ARHGAP12: variants seen among roughly 807,000 people sequenced by gnomAD.
ARHGAP12 encodes the protein rho GTPase-activating protein 12.
In ARHGAP12, 64 loss-of-function variants were observed where a neutral mutation model predicts 108.6. The observed-to-expected ratio is 0.59, with a 90% CI of 0.48 to 0.73. The LOEUF is 0.73. ARHGAP12 is among the 30% of genes least tolerant of loss of function. ARHGAP12 has a pLI of 0.00. For synonymous variants in ARHGAP12, 312 were observed against 337.2 expected (o/e 0.93, Z 0.82); for missense variants, 940 against 1,005.9 (o/e 0.93, Z 0.89).
intron 3 of ARHGAP12, among the ~76,000 whole-genome samples, chr10:31,884,143 C>T (rs1347284699): frequency 6.7e-6 from 1 of 148,798 alleles, no homozygotes; most frequent in African/African-American, 2.5e-5. Flanking sequence ...GTTAAAAGAC[C>T]ACTTCTTTCC....
At chr10:31,866,433 CA>C (rs1251550525) in intron 3 of ARHGAP12, among the ~76,000 whole-genome samples, 1 of 151,994 alleles carries the variant, frequency 6.6e-6, no homozygotes, top group Non-Finnish European at 1.5e-5. Flanking sequence ...GAGAAACAAA[CA>C]AGGTGAATCC....
intron 11 of ARHGAP12, among the ~76,000 whole-genome samples, chr10:31,824,627 T>A (rs1253338642): frequency 6.6e-6 from 1 of 152,172 alleles, no homozygotes; most frequent in Non-Finnish European, 1.5e-5. Context: ...CCTGTACTAA[T>A]GATTATGTAC....
At chr10:31,912,203 T>TC (rs2132467609) in intron 1 of ARHGAP12, among the ~76,000 whole-genome samples, 1 of 152,336 alleles carries the variant, frequency 6.6e-6, no homozygotes, top group African/African-American at 2.4e-5. Flanking sequence ...TGATTTTTTT[T>TC]CCAGGAAAGT....
At chr10:31,810,823 G>T in intron 15 of ARHGAP12, 76 bp from the exon 16 acceptor site, 2 of 1,110,226 alleles carry the variant, frequency 1.8e-6, no homozygotes, top group Non-Finnish European at 2.7e-6. Context: ...CATTCAGAGT[G>T]CAACAGAAAC....
chr10:31,830,049 T>C (rs1835773176), intron 10 of ARHGAP12, among the ~76,000 whole-genome samples: 1 of 152,208 alleles, frequency 6.6e-6, no homozygotes, highest in Admixed American at 6.5e-5. Flanking sequence ...TCATGGAAAT[T>C]TTTTGTCTTA....
intron 4 of ARHGAP12, 82 bp from the exon 5 acceptor site, chr10:31,854,288 C>T: frequency 8.1e-7 from 1 of 1,227,266 alleles, no homozygotes; most frequent in Non-Finnish European, 1.1e-6. Context: ...ATAAATTTTA[C>T]TTGACTATAA....
rs563417977 is a variant in ARHGAP12 at position 31,877,664 on chromosome 10, G to A, written c.685-16006C>T. Among the ~76,000 whole-genome samples, 7 of 152,352 alleles carry A rather than the reference G, an allele frequency of 4.6e-5. No individual in the cohort carries two copies. The East Asian group carries it at 7.7e-4, about 17-fold the overall frequency. Reference sequence around the variant, plus strand: ...AACAAGGTTTGATCCCATTGTGTGCGTTACAACTACTTGAGTGTTTTAGCA... The same window carrying A: ...AACAAGGTTTGATCCCATTGTGTGCATTACAACTACTTGAGTGTTTTAGCA... On this transcript the variant is annotated intron_variant, in intron 3 of 19. Coordinates refer to ENST00000344936, the MANE Select transcript of ARHGAP12 (RefSeq NM_018287.7).
At chr10:31,924,489 G>A (rs1197720117) in intron 1 of ARHGAP12, among the ~76,000 whole-genome samples, 1 of 152,142 alleles carries the variant, frequency 6.6e-6, no homozygotes, top group Non-Finnish European at 1.5e-5. Context: ...AAATCATATA[G>A]TATGTAGCCT....
intron 6 of ARHGAP12, among the ~76,000 whole-genome samples, chr10:31,843,940 T>C (rs913844719): frequency 1.7e-4 from 26 of 152,242 alleles, no homozygotes; most frequent in Admixed American, 6.5e-4. Context: ...AAAAGAGTAG[T>C]ATATTATCAA....
At chr10:31,915,112 C>T (rs538758511) in intron 1 of ARHGAP12, among the ~76,000 whole-genome samples, 20 of 145,910 alleles carry the variant, frequency 1.4e-4, no homozygotes, top group Admixed American at 5.3e-4. Context: ...TGAGGCCAGG[C>T]GCAGTGGCTC....
At position 31,816,082 on chromosome 10, in the gene ARHGAP12, C is replaced by T. The variant is rs558378083; in HGVS notation, c.1731+1706G>A. Among the ~76,000 whole-genome samples, 14 of 151,654 alleles carry T rather than the reference C, an allele frequency of 9.2e-5. No individual in the cohort carries two copies. In the South Asian group the frequency reaches 2.3e-3, roughly 25 times the overall value. On this transcript the variant is annotated intron_variant, in intron 13 of 19. Transcript: ENST00000344936. ...AGGAGAATCACTTGAACCCAGGAGACGGAGGTTGCCGTGAGCTAAGATCAT... is the reference window on the plus strand; with the variant it reads ...AGGAGAATCACTTGAACCCAGGAGATGGAGGTTGCCGTGAGCTAAGATCAT...
At chr10:31,865,927 C>A (rs1293139566) in intron 3 of ARHGAP12, among the ~76,000 whole-genome samples, 1 of 150,954 alleles carries the variant, frequency 6.6e-6, no homozygotes, top group Non-Finnish European at 1.5e-5. Context: ...TTAATATACA[C>A]GTGGGGTCAA....
intron 3 of ARHGAP12, among the ~76,000 whole-genome samples, chr10:31,866,364 A>G (rs567169457): frequency 1.8e-4 from 27 of 152,310 alleles, no homozygotes; most frequent in African/African-American, 6.5e-4. Flanking sequence ...CGAGTAAAAT[A>G]CAGAAAACAA....
In ARHGAP12 at chr10:31,852,536, G is replaced by A; in HGVS notation, c.1151C>T (p.Ser384Leu). 3 of 1,612,150 alleles carry A rather than the reference G, an allele frequency of 1.9e-6. No individual in the cohort carries two copies. Among genetic ancestry groups the A allele is most frequent in the Non-Finnish European group, 2.5e-6 (3 of 1,178,532 alleles). ...TATTACCTTTGGCAATTCCCATTCT[G>A]ACCGAGATCCGTCTGCACTGTAGTA... The part of the protein sequence containing the change: ...QYYYSADGSR[S>L]EWELPKYNAS... The change falls in exon 6 of 20, where the codon TCA becomes TTA. Residue 384 changes from serine to leucine, a missense_variant. Ser to Leu is a moderately radical substitution (Grantham distance 145, BLOSUM62 -2). Coordinates refer to ENST00000344936, the MANE Select transcript of ARHGAP12 (RefSeq NM_018287.7).
chr10:31,875,732 G>A (rs759033744), intron 3 of ARHGAP12, among the ~76,000 whole-genome samples: 6 of 151,920 alleles, frequency 3.9e-5, no homozygotes, highest in Non-Finnish European at 8.8e-5. Context: ...TGTACAGGTC[G>A]GTCACACTAA....
intron 3 of ARHGAP12, among the ~76,000 whole-genome samples, chr10:31,862,233 T>C (rs910885266): frequency 2.6e-5 from 4 of 152,230 alleles, no homozygotes; most frequent in Non-Finnish European, 5.9e-5. Flanking sequence ...TACTACATTC[T>C]ATTCCTTCTC....
At chr10:31,844,483 G>A (rs1269736551) in intron 6 of ARHGAP12, among the ~76,000 whole-genome samples, 1 of 152,068 alleles carries the variant, frequency 6.6e-6, no homozygotes, top group East Asian at 1.9e-4. Context: ...TTACCCCATT[G>A]ATTTGTTTTC....
At chr10:31,842,800 C>T (rs1417738853) in intron 7 of ARHGAP12, among the ~76,000 whole-genome samples, 1 of 152,052 alleles carries the variant, frequency 6.6e-6, no homozygotes, top group Non-Finnish European at 1.5e-5. Flanking sequence ...TAATATTCTG[C>T]AAATTCATAC....
intron 12 of ARHGAP12, among the ~76,000 whole-genome samples, chr10:31,818,534 G>A (rs1835292884): frequency 1.3e-5 from 2 of 152,074 alleles, no homozygotes; most frequent in Admixed American, 6.6e-5. Flanking sequence ...CTTAAGTGAG[G>A]AAGAATTTTG....
Sources: allele counts gnomAD v4.1 joint callset (sites outside exome capture counted in the v4.1 genomes callset), GRCh38; gene constraint gnomAD v4.1.1; transcripts MANE v1.5; gene names NCBI Gene and HGNC (gene_info 2026-07-23, HGNC 2026-07-21).